The following POC1A variants were observed in gnomAD, a reference collection of about 807,000 sequenced individuals.
The protein encoded by POC1A is POC1 centriolar protein homolog A.
Under a neutral mutation model 47.8 loss-of-function variants are expected in POC1A, and 34 were observed. That is an observed-to-expected ratio of 0.71 (90% CI 0.54 to 0.95). The LOEUF (loss-of-function observed/expected upper bound fraction) is 0.95, where lower values mean the gene tolerates loss of function less well. Among genes scored for constraint, POC1A ranks in the 40% least tolerant of loss-of-function variants. The pLI is 0.00. For synonymous variants in POC1A, 177 were observed against 207.6 expected (o/e 0.85, Z 1.27); for missense variants, 466 against 528.3 (o/e 0.88, Z 1.16).
At chr3:52,083,434 C>A (rs1426498655) in intron 10 of POC1A, among the ~76,000 whole-genome samples, 1 of 152,114 alleles carries the variant, frequency 6.6e-6, no homozygotes, top group African/African-American at 2.4e-5. Context: ...TCTAGTTACA[C>A]CCCAGCGCTC....
Position 52,133,439 on chromosome 3 carries a change from C to T in POC1A, c.813+4730G>A, listed in dbSNP as rs111603668. ...CCCTTACTCTCACAAAATGAGCCTG[C>T]GCAAACAAAAGGCCTCTCAAATGGG... On this transcript the variant is annotated intron_variant, in intron 7 of 10. Coordinates refer to ENST00000296484, the MANE Select transcript of POC1A (RefSeq NM_015426.5). 2.5e-3 allele frequency among the ~76,000 whole-genome samples: 385 copies of T among 152,238 alleles called. 3 individuals are homozygous for T. The highest frequency in any genetic ancestry group is 8.0e-3 in the African/African-American group (332 of 41,516).
chr3:52,083,769 C>T (rs1294920312), intron 10 of POC1A, among the ~76,000 whole-genome samples: 1 of 152,172 alleles, frequency 6.6e-6, no homozygotes, highest in Non-Finnish European at 1.5e-5. Flanking sequence ...GGGGCTGATG[C>T]CAGGGCTGCC....
At chr3:52,109,960 C>T (rs1459033632) in intron 9 of POC1A, among the ~76,000 whole-genome samples, 1 of 152,152 alleles carries the variant, frequency 6.6e-6, no homozygotes, top group Non-Finnish European at 1.5e-5. Context: ...GACTCTACCA[C>T]CCTCTGTTGC....
At chr3:52,113,781 T>C (rs187866426) in intron 9 of POC1A, among the ~76,000 whole-genome samples, 7 of 152,372 alleles carry the variant, frequency 4.6e-5, no homozygotes, top group Non-Finnish European at 8.8e-5. Flanking sequence ...TCTTTATTTT[T>C]AGTATCCACT....
At chr3:52,153,995 A>G (rs1276095670) in intron 1 of POC1A, among the ~76,000 whole-genome samples, 1 of 152,252 alleles carries the variant, frequency 6.6e-6, no homozygotes, top group African/African-American at 2.4e-5. Flanking sequence ...TGTACCCTCA[A>G]CAAGACCCCA....
intron 1 of POC1A, 31 bp downstream of exon 1, chr3:52,154,324 G>A: frequency 6.4e-7 from 1 of 1,557,942 alleles, no homozygotes; most frequent in East Asian, 2.5e-5. Context: ...GGGAGACTGA[G>A]GCCTGGGGAG....
chr3:52,103,823 TA>T (rs112694879), intron 9 of POC1A, among the ~76,000 whole-genome samples: 3 of 147,932 alleles, frequency 2.0e-5, no homozygotes, highest in Non-Finnish European at 1.5e-5. Context: ...AGCCTAAAGG[TA>T]AAAAAAAAAC....
intron 5 of POC1A, among the ~76,000 whole-genome samples, chr3:52,146,689 C>G (rs900285925): frequency 5.3e-5 from 8 of 152,216 alleles, no homozygotes; most frequent in African/African-American, 1.9e-4. Flanking sequence ...GTAATCCTGA[C>G]AACCAGAAAG....
At chr3:52,118,047 T>G (rs1455803500) in intron 9 of POC1A, among the ~76,000 whole-genome samples, 1 of 152,154 alleles carries the variant, frequency 6.6e-6, no homozygotes, top group Non-Finnish European at 1.5e-5. Flanking sequence ...AGCTAAGCAC[T>G]AGACCCTTGA....
Position 52,075,987 on chromosome 3 carries a change from T to C in POC1A, c.1126-2A>G. On this transcript the variant is annotated splice_acceptor_variant, in intron 10 of 10. Transcript: ENST00000296484. LOFTEE classifies it high-confidence loss of function. ...CCGCTGCTCCAGAATGGAGACTGTC[T>C]GCAAAATAAACAGTGGTTGGGTCAG... 1 of 1,612,068 alleles carries C rather than the reference T, an allele frequency of 6.2e-7. No homozygotes were observed.
At chr3:52,093,461 T>C (rs969903475) in intron 10 of POC1A, among the ~76,000 whole-genome samples, 3 of 152,130 alleles carry the variant, frequency 2.0e-5, no homozygotes, top group Admixed American at 1.3e-4. Flanking sequence ...CAGATCCCCC[T>C]GGCCCCCAAG....
intron 9 of POC1A, among the ~76,000 whole-genome samples, chr3:52,105,174 G>A (rs562869505): frequency 5.3e-5 from 8 of 152,178 alleles, no homozygotes; most frequent in Non-Finnish European, 7.3e-5. Context: ...TTCCTGTACA[G>A]ACCCAGGTGA....
rs529297695 is a variant in POC1A, at chr3:52,084,720, A to G, written c.1126-8735T>C. ...CAGGGGCCTCCTGCTCACCTTGGCC[A>G]GGGCCCTTCCCCATATCCACATCCT... On this transcript the variant is annotated intron_variant, in intron 10 of 10. Transcript: ENST00000296484. The surrounding 1 kb of genome is among the most constrained non-coding windows in gnomAD (Gnocchi z 4.3). Among the ~76,000 whole-genome samples the G allele has an allele frequency of 6.6e-6, 1 of 152,212 alleles. No individual in the cohort carries two copies. Among genetic ancestry groups the G allele is most frequent in the Non-Finnish European group, 1.5e-5 (1 of 68,042 alleles).
At chr3:52,101,057 G>A (rs1307052933) in intron 9 of POC1A, among the ~76,000 whole-genome samples, 1 of 149,694 alleles carries the variant, frequency 6.7e-6, no homozygotes, top group Non-Finnish European at 1.5e-5. Context: ...ACTGAAGCTG[G>A]GTCAAGACAA....
intron 9 of POC1A, among the ~76,000 whole-genome samples, chr3:52,113,392 G>C (rs764626263): frequency 6.6e-6 from 1 of 152,178 alleles, no homozygotes. Flanking sequence ...GTTTCAAGCA[G>C]GAAACATTCT....
At chr3:52,092,933 G>A (rs967019521) in intron 10 of POC1A, among the ~76,000 whole-genome samples, 2 of 152,176 alleles carry the variant, frequency 1.3e-5, no homozygotes, top group South Asian at 2.1e-4. Context: ...GGCTTGCTCC[G>A]GAGACCAGGA....
chr3:52,149,745 G>T, intron 3 of POC1A, 71 bp downstream of exon 3: 1 of 1,458,588 alleles, frequency 6.9e-7, no homozygotes, highest in Non-Finnish European at 9.4e-7. Context: ...CAAGCTAGGG[G>T]ACCTGGGTGG....
chr3:52,152,135 C>T (rs564169496), intron 1 of POC1A, among the ~76,000 whole-genome samples: 18 of 152,182 alleles, frequency 1.2e-4, no homozygotes, highest in African/African-American at 3.4e-4. Flanking sequence ...ATTAGCCACA[C>T]GTAGTGGCTC....
At chr3:52,094,177 G>A (rs1372937974) in intron 10 of POC1A, among the ~76,000 whole-genome samples, 1 of 152,186 alleles carries the variant, frequency 6.6e-6, no homozygotes, top group African/African-American at 2.4e-5. Flanking sequence ...GGGGTGGCTG[G>A]GCATCCTACC....
Sources: gnomAD v4.1 joint callset for allele counts (sites outside exome capture counted in the v4.1 genomes callset) on GRCh38, gnomAD v4.1.1 for gene constraint, Gnocchi (gnomAD v3.1) non-coding constraint, MANE v1.5 for transcripts, NCBI Gene and HGNC (gene_info 2026-07-23, HGNC 2026-07-21) for gene names.